Variants in CSMD1 observed in about 807,000 individuals in gnomAD.
The protein encoded by CSMD1 is CUB and sushi domain-containing protein 1.
Under a neutral mutation model 417.5 loss-of-function variants are expected in CSMD1, and 213 were observed. That is an observed-to-expected ratio of 0.51 (90% confidence interval 0.46 to 0.57). The LOEUF (loss-of-function observed/expected upper bound fraction) is 0.57. Ranked by LOEUF, CSMD1 falls within the 20% of genes least tolerant of loss-of-function variation. The pLI, the probability that CSMD1 is intolerant of heterozygous loss-of-function variation, is 0.00. For synonymous variants in CSMD1, 2,862 were observed against 1,736.8 expected (o/e 1.65, Z -16.11); for missense variants, 6,923 against 4,529.7 (o/e 1.53, Z -15.17).
intron 3 of CSMD1, among the ~76,000 whole-genome samples, chr8:4,344,556 A>C (rs1800673005): frequency 6.6e-6 from 1 of 150,714 alleles, no homozygotes; most frequent in African/African-American, 2.4e-5. Context: ...ATAAGAATAT[A>C]AATATATACA....
In CSMD1 at chr8:4,364,233, A is replaced by G. The variant is rs570892316; in HGVS notation, c.415+55720T>C. On this transcript the variant is annotated intron_variant, in intron 3 of 69. Coordinates refer to ENST00000635120, the MANE Select transcript of CSMD1 (RefSeq NM_033225.6). Reference sequence around the variant, plus strand: ...TTGTAAAAATAAGTAGTTAATTAACATTAAAAATGCTTTACATCTCAAAGG... The same window carrying G: ...TTGTAAAAATAAGTAGTTAATTAACGTTAAAAATGCTTTACATCTCAAAGG... Among the ~76,000 whole-genome samples, 44 of 152,362 alleles carry G rather than the reference A, an allele frequency of 2.9e-4. 1 individual carries two copies. Among genetic ancestry groups the G allele is most frequent in the African/African-American group, 9.1e-4 (38 of 41,592 alleles).
chr8:4,581,044 G>T (rs191595008), intron 2 of CSMD1, among the ~76,000 whole-genome samples: 1 of 152,176 alleles, frequency 6.6e-6, no homozygotes, highest in East Asian at 1.9e-4. Flanking sequence ...AATCCATGGA[G>T]CAAAGACTGC....
rs1800904808 is a variant in CSMD1, at chr8:3,592,684, GT to G, written c.1098-6425del. 3.4e-5 allele frequency among the ~76,000 whole-genome samples: 5 copies of G among 148,544 alleles called. No individual in the cohort carries two copies. The South Asian group carries it at 8.7e-4, about 26-fold the overall frequency. ...CGTGTGTGTGCACATCCGTGTGTGTGTGCACATCCGTGTGTGTGTGTGTGTG... is the reference window on the plus strand; with the variant it reads ...CGTGTGTGTGCACATCCGTGTGTGTGGCACATCCGTGTGTGTGTGTGTGTG... On this transcript the variant is annotated intron_variant, in intron 8 of 69. Transcript: ENST00000635120.
intron 3 of CSMD1, among the ~76,000 whole-genome samples, chr8:4,407,802 G>T (rs893144385): frequency 6.6e-6 from 1 of 152,116 alleles, no homozygotes; most frequent in African/African-American, 2.4e-5. Context: ...CAGTATTGTG[G>T]CATATGAGAA....
At chr8:4,782,517 T>C (rs928360502) in intron 1 of CSMD1, among the ~76,000 whole-genome samples, 10 of 152,164 alleles carry the variant, frequency 6.6e-5, no homozygotes, top group African/African-American at 2.2e-4. Context: ...GGTCTATCCA[T>C]AGCAAAACCA....
At position 3,506,138 on chromosome 8, in the gene CSMD1, G is replaced by T. The variant is rs146325374; in HGVS notation, c.1345-12412C>A. Among the ~76,000 whole-genome samples, 158 of 152,300 alleles carry T rather than the reference G, an allele frequency of 1.0e-3. 1 individual carries two copies. The highest frequency in any genetic ancestry group is 3.6e-3 in the African/African-American group (150 of 41,550). ...GGCCAGGTGATAGGTGCGGCGGCCA[G>T]CAGAGGAAGTGCCAGGGAGGCAGCT... On this transcript the variant is annotated intron_variant, in intron 10 of 69. Coordinates refer to ENST00000635120, the MANE Select transcript of CSMD1 (RefSeq NM_033225.6).
chr8:3,359,377 T>G lies in CSMD1; in HGVS notation c.3116-37A>C, dbSNP rs780415228. 15 of 1,534,802 alleles carry G rather than the reference T, an allele frequency of 9.8e-6. No individual in the cohort carries two copies. In the East Asian group the frequency reaches 3.2e-4, roughly 32 times the overall value. On this transcript the variant is annotated intron_variant, in intron 20 of 69. Coordinates refer to ENST00000635120, the MANE Select transcript of CSMD1 (RefSeq NM_033225.6). ...AGAGACAGAGTAAATGCATGAGGATTTGGGTAAATACACAAAGATTAAATA... is the reference window on the plus strand; with the variant it reads ...AGAGACAGAGTAAATGCATGAGGATGTGGGTAAATACACAAAGATTAAATA...
chr8:4,365,695 C>T (rs754468084), intron 3 of CSMD1, among the ~76,000 whole-genome samples: 5 of 152,164 alleles, frequency 3.3e-5, no homozygotes, highest in African/African-American at 4.8e-5. Flanking sequence ...GCCTCTGATC[C>T]AGCCTGAGAC....
intron 38 of CSMD1, among the ~76,000 whole-genome samples, chr8:3,158,650 C>T (rs978710327): frequency 6.9e-6 from 1 of 145,720 alleles, no homozygotes; most frequent in Non-Finnish European, 1.5e-5. Flanking sequence ...AAAAAAAAAA[C>T]AAACAGTAGA....
chr8:3,925,902 A>G (rs1378851798), intron 5 of CSMD1, among the ~76,000 whole-genome samples: 1 of 152,050 alleles, frequency 6.6e-6, no homozygotes, highest in Non-Finnish European at 1.5e-5. Flanking sequence ...AATATATACT[A>G]TCTGCATAAC....
intron 3 of CSMD1, among the ~76,000 whole-genome samples, chr8:4,078,472 G>A (rs34541279): frequency 1.3e-5 from 2 of 151,578 alleles, no homozygotes; most frequent in Admixed American, 6.6e-5. Flanking sequence ...CACCATGTTA[G>A]CCAGGATGGT....
rs75178790 is a variant in CSMD1 at position 3,917,103 on chromosome 8, A to C, written c.818+80800T>G. Among the ~76,000 whole-genome samples the C allele has an allele frequency of 1.8e-3, 267 of 152,304 alleles. 7 individuals carry two copies. In the East Asian group the frequency reaches 0.043, roughly 24 times the overall value. ...CACCAGGCATTTATTCAGAATTTTA[A>C]AATCTTTGTCATAAAAGATAGTCTA... On this transcript the variant is annotated intron_variant, in intron 5 of 69. Transcript: ENST00000635120.
At chr8:4,025,832 T>C (rs1482356146) in intron 4 of CSMD1, among the ~76,000 whole-genome samples, 1 of 152,222 alleles carries the variant, frequency 6.6e-6, no homozygotes, top group Non-Finnish European at 1.5e-5. Flanking sequence ...AATTATTTTC[T>C]ATTAATTAAA....
At chr8:3,771,391 C>A (rs563525811) in intron 5 of CSMD1, among the ~76,000 whole-genome samples, 15 of 152,256 alleles carry the variant, frequency 9.9e-5, no homozygotes, top group South Asian at 8.3e-4. Context: ...AAAGAGTTTA[C>A]AAAGGAGAGA....
At chr8:3,278,395 A>G (rs904811102) in intron 26 of CSMD1, 2 of 152,210 alleles carry the variant, frequency 1.3e-5, no homozygotes, top group African/African-American at 4.8e-5. Flanking sequence ...TCACACCTCT[A>G]ATGCTTATTT....
At chr8:4,671,995 C>T (rs1439038594) in intron 1 of CSMD1, among the ~76,000 whole-genome samples, 1 of 152,174 alleles carries the variant, frequency 6.6e-6, no homozygotes, top group Non-Finnish European at 1.5e-5. Context: ...GAACATCCAG[C>T]ATGGTTTGGG....
chr8:4,040,481 G>T (rs1031350285), intron 3 of CSMD1, among the ~76,000 whole-genome samples: 3 of 152,184 alleles, frequency 2.0e-5, no homozygotes, highest in African/African-American at 7.2e-5. Flanking sequence ...ATCTCTACTT[G>T]CAAGCATGAC....
At chr8:4,180,324 A>C (rs1316376091) in intron 3 of CSMD1, among the ~76,000 whole-genome samples, 1 of 151,304 alleles carries the variant, frequency 6.6e-6, no homozygotes, top group Non-Finnish European at 1.5e-5. Flanking sequence ...AACTATTGCA[A>C]GGACAAAAAA....
intron 5 of CSMD1, among the ~76,000 whole-genome samples, chr8:3,918,435 T>G (rs902344402): frequency 1.3e-5 from 2 of 152,180 alleles, no homozygotes; most frequent in Non-Finnish European, 2.9e-5. Flanking sequence ...TGCGTTTGTC[T>G]GATAATTAAT....
Sources: gnomAD v4.1 joint callset for allele counts (sites outside exome capture counted in the v4.1 genomes callset) on GRCh38, gnomAD v4.1.1 for gene constraint, MANE v1.5 for transcripts, NCBI Gene and HGNC (gene_info 2026-07-23, HGNC 2026-07-21) for gene names.